HYDIN: variants seen among roughly 807,000 people sequenced by gnomAD.
HYDIN encodes the protein axonemal central pair apparatus protein HYDIN.
A neutral mutation model predicts 403.9 loss-of-function variants in HYDIN; 132 were observed. The ratio of observed to expected loss-of-function variants is 0.33; its 90% CI spans 0.28 to 0.38. The LOEUF (loss-of-function observed/expected upper bound fraction) is 0.38, where lower values mean the gene tolerates loss of function less well. HYDIN is among the 10% of genes least tolerant of loss of function. The pLI, the probability that HYDIN is intolerant of heterozygous loss-of-function variation, is 1.00. For synonymous variants in HYDIN, 1,202 were observed against 1,891.7 expected (o/e 0.64, Z 9.46); for missense variants, 2,827 against 5,009.5 (o/e 0.56, Z 13.15).
intron 65 of HYDIN, among the ~76,000 whole-genome samples, chr16:70,871,335 C>T (rs2040084152): frequency 6.6e-6 from 1 of 152,172 alleles, no homozygotes; most frequent in Non-Finnish European, 1.5e-5. Flanking sequence ...GACTCACTGG[C>T]TGTGTGTCAA....
chr16:70,916,828 TTTTCTC>T (rs2076854684), intron 47 of HYDIN, among the ~76,000 whole-genome samples: 1 of 152,086 alleles, frequency 6.6e-6, no homozygotes, highest in Non-Finnish European at 1.5e-5. Flanking sequence ...TTTCTTTTCT[TTTTCTC>T]TTTCTCTCTT....
chr16:70,837,740 C>T lies in HYDIN; in HGVS notation c.13192G>A (p.Gly4398Arg). The change falls in exon 77 of 86, where the codon GGG becomes AGG. Residue 4398 changes from glycine to arginine, a missense_variant. Gly to Arg is a moderately radical substitution (Grantham distance 125, BLOSUM62 -2). Coordinates refer to ENST00000393567, the MANE Select transcript of HYDIN (RefSeq NM_001270974.2). ...YQELIPFEIN[G>R]LSQQTVEIKG... ...ATTTCGACTGTTTGTTGTGAGAGCC[C>T]ATTGATTTCAAAGGGAATGAGTTCT... The T allele has an allele frequency of 6.2e-7, 1 of 1,613,866 alleles. No homozygotes were observed.
chr16:71,031,199 CAAAAA>C (rs376968331), intron 19 of HYDIN, among the ~76,000 whole-genome samples: 4 of 25,168 alleles, frequency 1.6e-4, no homozygotes, highest in African/African-American at 2.7e-4. Flanking sequence ...GACTCCATCT[CAAAAA>C]AAAAAAAAAA....
rs748701157 is a variant in HYDIN, at chr16:71,020,218, A to C, written c.3286T>G (p.Phe1096Val). ...NLLLSTSGPF[F>V]ICETDKSLLP... ...AGGGATTTATCAGTCTCACATATAA[A>C]GAAGGGTCCAGATGTTGACAGCAAC... Residue 1096 changes from phenylalanine (F) to valine (V), a missense_variant, in exon 22 of 86, where the codon TTT becomes GTT. By Grantham distance (50) the Phe-to-Val change is conservative (BLOSUM62 -1). Coordinates refer to ENST00000393567, the MANE Select transcript of HYDIN (RefSeq NM_001270974.2). 6 of 1,613,726 alleles carry C rather than the reference A, an allele frequency of 3.7e-6. No homozygotes were observed. The African/African-American group carries it at 8.0e-5, about 22-fold the overall frequency.
chr16:71,217,503 G>A (rs188575519), intron 1 of HYDIN, among the ~76,000 whole-genome samples: 3 of 152,206 alleles, frequency 2.0e-5, no homozygotes, highest in Admixed American at 1.3e-4. Context: ...AAAAATCCAC[G>A]AGTGGTGACC....
intron 78 of HYDIN, among the ~76,000 whole-genome samples, chr16:70,835,143 C>T (rs1240258930): frequency 6.6e-6 from 1 of 151,334 alleles, no homozygotes; most frequent in African/African-American, 2.4e-5. Context: ...ATTACAGGCA[C>T]CCGCCACCAT....
At chr16:70,851,203 C>CAAAA (rs4028101) in intron 73 of HYDIN, among the ~76,000 whole-genome samples, 97 of 22,104 alleles carry the variant, frequency 4.4e-3, no homozygotes, top group African/African-American at 0.023. Context: ...ATCAATCCTG[C>CAAAA]AAAAAAAAAA....
chr16:70,892,443 G>A lies in HYDIN; in HGVS notation c.9335C>T (p.Thr3112Ile). 1.2e-6 allele frequency: 2 copies of A among 1,604,852 alleles called. No homozygotes were observed. Among genetic ancestry groups the A allele is most frequent in the East Asian group, 2.2e-5 (1 of 44,754 alleles). ...VQPKKGSLTP[T>I]EKPTNVQVFF... ...AACTTGGACATTTGTGGGTTTTTCT[G>A]TTGGGGTCAGTGAACCCTTTTTGGG... The change falls in exon 56 of 86, where the codon ACA becomes ATA. Residue 3112 changes from threonine to isoleucine, a missense_variant. Transcript: ENST00000393567.
chr16:70,976,970 T>C (rs2144002775), intron 30 of HYDIN, among the ~76,000 whole-genome samples: 1 of 152,168 alleles, frequency 6.6e-6, no homozygotes, highest in South Asian at 2.1e-4. Context: ...CCCAGTTGTC[T>C]GGATTCTAGA....
chr16:71,017,913 T>C (rs375224338), intron 23 of HYDIN, among the ~76,000 whole-genome samples: 3 of 152,136 alleles, frequency 2.0e-5, no homozygotes, highest in South Asian at 2.1e-4. Context: ...TCGGTGGTGA[T>C]TGGGACTTTC....
Position 71,129,814 on chromosome 16 carries a change from A to T in HYDIN, c.1053T>A (p.Asp351Glu). Reference sequence around the variant, plus strand: ...CATCCTTCTCCTCTTTGATCAGATCATCACAGGCCCTAAAGAAAACAGGCA... The same window carrying T: ...CATCCTTCTCCTCTTTGATCAGATCTTCACAGGCCCTAAAGAAAACAGGCA... ...EEDREKYRAC[D>E]DLIKEEKDET... is the part of the protein sequence containing the mutation. Residue 351 changes from aspartate (D) to glutamate (E), a missense_variant, in exon 9 of 86, where the codon GAT (aspartate) becomes GAA (glutamate). Coordinates refer to ENST00000393567, the MANE Select transcript of HYDIN (RefSeq NM_001270974.2). 6.2e-7 allele frequency: 1 copy of T among 1,607,122 alleles called. No individual in the cohort carries two copies. The highest frequency in any genetic ancestry group is 8.5e-7 in the Non-Finnish European group (1 of 1,176,336).
At chr16:71,061,334 C>A (rs1469033225) in intron 17 of HYDIN, among the ~76,000 whole-genome samples, 1 of 151,342 alleles carries the variant, frequency 6.6e-6, no homozygotes, top group East Asian at 1.9e-4. Context: ...TTATTTACGG[C>A]ATCTTATATG....
Position 70,969,556 on chromosome 16 carries a change from A to T in HYDIN, c.5619+964T>A, listed in dbSNP as rs546457211. ...CAAATCCTTCAAGGATGAGAGGGGA[A>T]GTCAAGGCATTCTCAGATGAAGGAA... On this transcript the variant is annotated intron_variant, in intron 36 of 85. Coordinates refer to ENST00000393567, the MANE Select transcript of HYDIN (RefSeq NM_001270974.2). 1.1e-4 allele frequency among the ~76,000 whole-genome samples: 16 copies of T among 151,694 alleles called. No homozygotes were observed. In the South Asian group the frequency reaches 3.3e-3, roughly 32 times the overall value.
rs151110450 is a variant in HYDIN, at chr16:71,065,915, A to G, written c.2076-1075T>C. Among the ~76,000 whole-genome samples, 522 of 152,322 alleles carry G rather than the reference A, an allele frequency of 3.4e-3. 2 individuals are homozygous for G. The highest frequency in any genetic ancestry group is 0.011 in the African/African-American group (477 of 41,564). On this transcript the variant is annotated intron_variant, in intron 15 of 85. Coordinates refer to ENST00000393567, the MANE Select transcript of HYDIN (RefSeq NM_001270974.2). ...TACAGATTACACCAAAAATAAGGACATGAAAGAGGCTTTCTTTAACCGCAA... is the reference window on the plus strand; with the variant it reads ...TACAGATTACACCAAAAATAAGGACGTGAAAGAGGCTTTCTTTAACCGCAA...
chr16:71,183,779 T>C (rs2087009549), intron 3 of HYDIN, among the ~76,000 whole-genome samples: 2 of 152,128 alleles, frequency 1.3e-5, no homozygotes, highest in East Asian at 1.9e-4. Flanking sequence ...ATCTAAGAGA[T>C]AAATGATTAA....
intron 83 of HYDIN, among the ~76,000 whole-genome samples, chr16:70,818,782 A>C (rs1329946890): frequency 6.7e-6 from 1 of 150,132 alleles, no homozygotes; most frequent in East Asian, 1.9e-4. Context: ...ATGAGAGATT[A>C]TTAAATAGCC....
chr16:71,201,958 G>C (rs1343793944), intron 1 of HYDIN, among the ~76,000 whole-genome samples: 1 of 152,202 alleles, frequency 6.6e-6, no homozygotes, highest in African/African-American at 2.4e-5. Context: ...ACTGTAACTT[G>C]CAAAAGCAGT....
At chr16:70,926,816 G>T (rs1295182323) in intron 45 of HYDIN, among the ~76,000 whole-genome samples, 2 of 151,404 alleles carry the variant, frequency 1.3e-5, no homozygotes, top group Non-Finnish European at 2.9e-5. Context: ...AGTAAGAAAA[G>T]AATTAATGGC....
Position 71,064,792 on chromosome 16 carries a change from C to T in HYDIN, c.2124G>A (p.Gly708=), listed in dbSNP as rs775601868. 3.1e-6 allele frequency: 5 copies of T among 1,613,508 alleles called. No homozygotes were observed. The highest frequency in any genetic ancestry group is 4.5e-5 in the East Asian group (2 of 44,834). The change falls in exon 16 of 86, where the codon GGG becomes GGA. Residue 708 remains glycine, a synonymous_variant. Transcript: ENST00000393567. ...CATACGGGTACTTCAGGAAGCAGTG[C>T]CCAAAGTCCACCTCTGTATTGACCA... ...LHLVNTEVDF[G]HCFLKYPYEK...
Sources: allele counts gnomAD v4.1 joint callset (sites outside exome capture counted in the v4.1 genomes callset), GRCh38; gene constraint gnomAD v4.1.1; transcripts MANE v1.5; gene names NCBI Gene and HGNC (gene_info 2026-07-23, HGNC 2026-07-21).